The following SGSH variants were observed in gnomAD, a reference collection of about 807,000 sequenced individuals.
The protein encoded by SGSH is N-sulfoglucosamine sulfohydrolase.
Under a neutral mutation model 51.0 loss-of-function variants are expected in SGSH, and 48 were observed. That is an observed-to-expected ratio of 0.94 (90% CI 0.75 to 1.20). SGSH has a LOEUF of 1.20. Among genes scored for constraint, SGSH ranks in the 50% most tolerant of loss-of-function variants. The pLI, the probability that SGSH is intolerant of heterozygous loss-of-function variation, is 0.00. For synonymous variants in SGSH, 321 were observed against 313.4 expected, an observed-to-expected ratio of 1.02 and a Z score of -0.26; for missense variants, 662 against 717.8, an observed-to-expected ratio of 0.92 and a Z score of 0.89.
downstream of SGSH, chr17:80,203,687 G>C: frequency 1.6e-6 from 1 of 624,028 alleles, no homozygotes. The surrounding 1 kb of genome is among the most constrained non-coding windows in gnomAD (Gnocchi z 4.6). Flanking sequence ...CTGCAGCAAA[G>C]GGATGTGTGG....
chr17:80,208,390 G>C (rs1320519724), downstream of SGSH: 4 of 1,487,722 alleles, frequency 2.7e-6, no homozygotes, highest in Admixed American at 8.0e-5. Context: ...CTGTGTGCCT[G>C]TTAATGCAGT....
At chr17:80,207,097 C>T (rs759628956), downstream of SGSH, 1 of 1,596,290 alleles carries the variant, frequency 6.3e-7, no homozygotes, top group Non-Finnish European at 8.6e-7. Flanking sequence ...TAGGTGCACG[C>T]TGGGGGCTGG....
chr17:80,206,824 C>A, downstream of SGSH: 2 of 465,858 alleles, frequency 4.3e-6, no homozygotes, highest in South Asian at 4.4e-5. Context: ...GCTCTATTCC[C>A]TCATCTCCTC....
downstream of SGSH, among the ~76,000 whole-genome samples, chr17:80,207,864 C>CAA (rs759593746): frequency 7.5e-6 from 1 of 132,974 alleles, no homozygotes. Context: ...CGGCTAAGGA[C>CAA]AAAAAAAAAA....
rs756603224 is a variant in SGSH at position 80,213,915 on chromosome 17, G to T, written c.664-30C>A. ...GGCAGGCGGTGGGGAGCCAGGCTTA[G>T]AACAGACAGACCGGGGGAGCGGTGT... is the stretch of plus-strand genomic sequence containing the variant. On this transcript the variant is annotated intron_variant, in intron 5 of 7. Transcript: ENST00000326317. This position sits in a 1 kb window ranked among gnomAD's most constrained non-coding sequence, Gnocchi z 4.6. 1.3e-6 allele frequency: 2 copies of T among 1,568,310 alleles called. No individual in the cohort carries two copies. The highest frequency in any genetic ancestry group is 8.6e-7 in the Non-Finnish European group (1 of 1,159,920).
intron 4 of SGSH, 123 bp downstream of exon 4, chr17:80,214,492 C>A: frequency 1.5e-6 from 2 of 1,303,610 alleles, no homozygotes; most frequent in African/African-American, 1.5e-5. Context: ...AACTCGAGTA[C>A]CTGGAACCTT....
Position 80,210,167 on chromosome 17 carries a change from G to C in SGSH, c.*285C>G. On this transcript the variant is annotated 3_prime_UTR_variant, in exon 8 of 8. Transcript: ENST00000326317. The stretch of plus-strand genomic sequence containing the variant: ...CCTGTCCGCAGACCACGTATGTCTA[G>C]AATTCCCGTGCTGGGACATGGTTCA... The C allele has an allele frequency of 4.4e-6, 6 of 1,357,492 alleles. No individual in the cohort carries two copies. Among genetic ancestry groups the C allele is most frequent in the Non-Finnish European group, 5.7e-6 (6 of 1,052,030 alleles). 84.1% of individuals were successfully genotyped at this position (1,357,492 alleles called of 1,614,324 possible). A position where few individuals can be genotyped will look rare whatever the true frequency, so the allele number is the denominator to read the frequency against.
chr17:80,215,903 T>C lies in SGSH; in HGVS notation c.250-765A>G, dbSNP rs112474953. 9.9e-5 allele frequency among the ~76,000 whole-genome samples: 15 copies of C among 152,138 alleles called. 1 individual carries two copies. The South Asian group carries it at 2.9e-3, about 29-fold the overall frequency. On this transcript the variant is annotated intron_variant, in intron 2 of 7. Transcript: ENST00000326317. ...AGCAACCCAAGTGCCCACTGACGGATGAATATGGAGAAGCAAAATACGGGG... is the reference window on the plus strand; with the variant it reads ...AGCAACCCAAGTGCCCACTGACGGACGAATATGGAGAAGCAAAATACGGGG...
chr17:80,201,050 C>T, the SGSH span: 2 of 152,422 alleles, frequency 1.3e-5, no homozygotes. The surrounding 1 kb of genome is among the most constrained non-coding windows in gnomAD (Gnocchi z 5.0). Flanking sequence ...GTTGGGGAAC[C>T]CTGCTCTTAA....
downstream of SGSH, among the ~76,000 whole-genome samples, chr17:80,206,532 G>A (rs1449350338): frequency 2.0e-5 from 3 of 152,230 alleles, no homozygotes; most frequent in East Asian, 1.9e-4. Flanking sequence ...TTGGGAGGCC[G>A]AGGCGGGCAG....
At position 80,209,685 on chromosome 17, in the gene SGSH, G is replaced by A; in HGVS notation, c.*767C>T. On this transcript the variant is annotated 3_prime_UTR_variant, in exon 8 of 8. Transcript: ENST00000326317. ...GCCAGAGGACGGGCATCACCACCCA[G>A]CAATGCCAGTGTCACCGAAGAATTA... The A allele has an allele frequency of 1.0e-6, 1 of 984,686 alleles. No homozygotes were observed. Among genetic ancestry groups the A allele is most frequent in the Non-Finnish European group, 1.2e-6 (1 of 829,696 alleles). The allele number at this position is 984,686 out of a possible 1,614,324, so 61.0% of individuals were successfully genotyped here.
intron 1 of SGSH, among the ~76,000 whole-genome samples, chr17:80,219,152 C>T (rs2144809924): frequency 7.9e-6 from 1 of 125,968 alleles, no homozygotes; most frequent in Non-Finnish European, 1.6e-5. Flanking sequence ...AGAGTGAGAC[C>T]CTGTCTCACA....
At chr17:80,201,825 AG>A (rs1457086329), downstream of SGSH, 3 of 1,613,872 alleles carry the variant, frequency 1.9e-6, no homozygotes, top group East Asian at 6.7e-5. This position sits in a 1 kb window ranked among gnomAD's most constrained non-coding sequence, Gnocchi z 5.0. Context: ...GCTTCTCAGG[AG>A]GGTGGACGGC....
chr17:80,212,345 C>A lies in SGSH; in HGVS notation c.746-71G>T. ...GGAGGCAGCGGGTGGTGTGTGTAGA[C>A]CCACCTGCTGCTGCATCCGGCCGCT... On this transcript the variant is annotated intron_variant, in intron 6 of 7. Coordinates refer to ENST00000326317, the MANE Select transcript of SGSH (RefSeq NM_000199.5). The surrounding 1 kb of genome is among the most constrained non-coding windows in gnomAD (Gnocchi z 5.9). 1 of 1,325,910 alleles carries A rather than the reference C, an allele frequency of 7.5e-7. No individual in the cohort carries two copies. Among genetic ancestry groups the A allele is most frequent in the South Asian group, 1.2e-5 (1 of 80,218 alleles). 82.1% of individuals were successfully genotyped at this position (1,325,910 alleles called of 1,614,324 possible).
In SGSH at chr17:80,212,692, CTT is replaced by C; in HGVS notation, c.746-420_746-419del. 3.3e-6 allele frequency: 1 copy of C among 304,478 alleles called. No individual in the cohort carries two copies. Among genetic ancestry groups the C allele is most frequent in the Non-Finnish European group, 6.4e-6 (1 of 155,670 alleles). The allele number at this position is 304,478 out of a possible 1,614,324, so 18.9% of individuals were successfully genotyped here. A position where few individuals can be genotyped will look rare whatever the true frequency, so the allele number is the denominator to read the frequency against. On this transcript the variant is annotated intron_variant, in intron 6 of 7. Coordinates refer to ENST00000326317, the MANE Select transcript of SGSH (RefSeq NM_000199.5). This position sits in a 1 kb window ranked among gnomAD's most constrained non-coding sequence, Gnocchi z 5.9. ...GACAAGGCTTCCTCTATACCCGCTC[CTT>C]CCCAGCTCACTAAGAATTAATGGCA...
At chr17:80,208,558 C>G, downstream of SGSH, 1 of 505,604 alleles carries the variant, frequency 2.0e-6, no homozygotes, top group Non-Finnish European at 3.5e-6. Flanking sequence ...GTGGAAACAT[C>G]TTCACCCTTT....
chr17:80,216,905 G>A (rs2041910492), intron 2 of SGSH, 127 bp downstream of exon 2: 1 of 908,336 alleles, frequency 1.1e-6, no homozygotes, highest in Non-Finnish European at 1.7e-6. Flanking sequence ...CCTCCTCCTG[G>A]AGGTGGGAGG....
At chr17:80,205,506 T>C, downstream of SGSH, 1 of 1,576,078 alleles carries the variant, frequency 6.3e-7, no homozygotes, top group Non-Finnish European at 8.6e-7. Context: ...TGGTCTATGA[T>C]GGCCCCGTCC....
intron 1 of SGSH, among the ~76,000 whole-genome samples, chr17:80,218,760 G>A (rs1035431515): frequency 2.6e-5 from 4 of 152,226 alleles, no homozygotes; most frequent in Admixed American, 2.0e-4. Flanking sequence ...TTCATATGCT[G>A]AAGCCCTAAC....
Sources: allele counts gnomAD v4.1 joint callset (sites outside exome capture counted in the v4.1 genomes callset), GRCh38; gene constraint gnomAD v4.1.1; non-coding constraint Gnocchi (gnomAD v3.1); transcripts MANE v1.5; gene names NCBI Gene and HGNC (gene_info 2026-07-23, HGNC 2026-07-21).